Variants in CNTN4 observed in about 807,000 individuals in gnomAD.
CNTN4 encodes the protein contactin-4.
In CNTN4, 77 loss-of-function variants were observed where a neutral mutation model predicts 122.5. That is an observed-to-expected ratio of 0.63 (90% CI 0.52 to 0.76). The LOEUF is 0.76. CNTN4 is among the 30% of genes least tolerant of loss of function. The probability of loss-of-function intolerance (pLI) is 0.00; values close to 1 mark genes in which losing one functional copy is unlikely to be tolerated. For synonymous variants in CNTN4, 512 were observed against 447.0 expected, an observed-to-expected ratio of 1.15 and a Z score of -1.83; for missense variants, 1,256 against 1,259.1, an observed-to-expected ratio of 1.00 and a Z score of 0.04.
At chr3:2,681,420 A>G (rs1180466756) in intron 4 of CNTN4, among the ~76,000 whole-genome samples, 1 of 152,208 alleles carries the variant, frequency 6.6e-6, no homozygotes, top group East Asian at 1.9e-4. Context: ...AATACCTGCC[A>G]TAGCAACAGG....
chr3:2,795,828 G>A (rs1194352374), intron 6 of CNTN4, among the ~76,000 whole-genome samples: 1 of 152,080 alleles, frequency 6.6e-6, no homozygotes, highest in Non-Finnish European at 1.5e-5. Context: ...CCACAAATGG[G>A]TATCTTTTGA....
At chr3:2,515,438 A>G (rs1024254241) in intron 3 of CNTN4, among the ~76,000 whole-genome samples, 1 of 152,178 alleles carries the variant, frequency 6.6e-6, no homozygotes, top group Non-Finnish European at 1.5e-5. Context: ...AAGAGAAAAT[A>G]TGTTCATCGA....
At chr3:2,179,180 G>T (rs1396484593) in intron 2 of CNTN4, among the ~76,000 whole-genome samples, 4 of 152,066 alleles carry the variant, frequency 2.6e-5, no homozygotes, top group Admixed American at 6.6e-5. Context: ...ATTATGTTGA[G>T]AGTAATCATC....
intron 3 of CNTN4, among the ~76,000 whole-genome samples, chr3:2,426,826 C>A (rs1252544978): frequency 6.6e-6 from 1 of 152,112 alleles, no homozygotes; most frequent in Non-Finnish European, 1.5e-5. Flanking sequence ...GAAATTTATC[C>A]ATTTCTTCTA....
Position 2,443,443 on chromosome 3 carries a change from G to A in CNTN4, c.-89+104210G>A, listed in dbSNP as rs114368647. ...TGCCCATCCCTCCTTTTCTTTCAGTGCCTTTCTCTCCCTTTAACCACCAGG... is the reference window on the plus strand; with the variant it reads ...TGCCCATCCCTCCTTTTCTTTCAGTACCTTTCTCTCCCTTTAACCACCAGG... On this transcript the variant is annotated intron_variant, in intron 3 of 24. Coordinates refer to ENST00000418658, the MANE Select transcript of CNTN4 (RefSeq NM_175607.3). 3.5e-3 allele frequency among the ~76,000 whole-genome samples: 530 copies of A among 152,210 alleles called. 2 individuals carry two copies. The highest frequency in any genetic ancestry group is 0.01 in the Middle Eastern group (3 of 294).
chr3:2,404,445 C>T (rs990841703), intron 3 of CNTN4, among the ~76,000 whole-genome samples: 5 of 152,140 alleles, frequency 3.3e-5, no homozygotes, highest in East Asian at 1.9e-4. Flanking sequence ...TGCTCGCATA[C>T]CCTGGCTGCT....
chr3:2,237,579 T>C (rs11917759), intron 2 of CNTN4, among the ~76,000 whole-genome samples: 5 of 152,072 alleles, frequency 3.3e-5, no homozygotes, highest in Non-Finnish European at 7.4e-5. Flanking sequence ...GCTTATGCCA[T>C]TTAAAAGCTT....
At chr3:2,461,752 T>C (rs1381594411) in intron 3 of CNTN4, among the ~76,000 whole-genome samples, 1 of 152,256 alleles carries the variant, frequency 6.6e-6, no homozygotes, top group African/African-American at 2.4e-5. Context: ...TGCCAGCCAC[T>C]CTTCTAAGTG....
chr3:2,798,256 T>C lies in CNTN4; in HGVS notation c.359-21230T>C, dbSNP rs577385795. Among the ~76,000 whole-genome samples, 97 of 151,080 alleles carry C rather than the reference T, an allele frequency of 6.4e-4. 1 individual carries two copies. The highest frequency in any genetic ancestry group is 2.2e-3 in the African/African-American group (90 of 41,234). On this transcript the variant is annotated intron_variant, in intron 6 of 24. Transcript: ENST00000418658. The stretch of plus-strand genomic sequence containing the variant: ...ACAAAAGACAAGATTTTATTCTTTT[T>C]TATGGCTGAGTAGTATTCCATTGTG...
intron 12 of CNTN4, among the ~76,000 whole-genome samples, chr3:2,911,286 C>T (rs920272222): frequency 6.6e-5 from 10 of 152,098 alleles, no homozygotes; most frequent in African/African-American, 1.9e-4. Flanking sequence ...TTTAATGCTT[C>T]CTGCAGCACT....
intron 2 of CNTN4, among the ~76,000 whole-genome samples, chr3:2,165,154 C>T (rs1036056530): frequency 6.6e-6 from 1 of 152,034 alleles, no homozygotes; most frequent in African/African-American, 2.4e-5. Context: ...GAAACCCCAT[C>T]TCTACTAAAA....
intron 7 of CNTN4, among the ~76,000 whole-genome samples, chr3:2,843,354 T>C (rs926234549): frequency 2.0e-5 from 3 of 152,138 alleles, no homozygotes; most frequent in East Asian, 1.9e-4. Context: ...CCTTCAACCA[T>C]TGCAACCCCA....
chr3:2,102,594 T>C (rs1399776627), intron 2 of CNTN4, among the ~76,000 whole-genome samples: 2 of 152,200 alleles, frequency 1.3e-5, no homozygotes, highest in African/African-American at 2.4e-5. Flanking sequence ...CCAGCCTTCA[T>C]CTGTTCTGTG....
intron 2 of CNTN4, among the ~76,000 whole-genome samples, chr3:2,152,086 G>A (rs530945870): frequency 1.1e-4 from 17 of 152,288 alleles, no homozygotes; most frequent in Admixed American, 2.0e-4. Context: ...AAAACACTGA[G>A]GTCAAGGTAG....
In CNTN4 at chr3:2,612,769, G is replaced by A. The variant is rs182375934; in HGVS notation, c.55+41211G>A. 9.9e-5 allele frequency among the ~76,000 whole-genome samples: 15 copies of A among 152,206 alleles called. No homozygotes were observed. In the East Asian group the frequency reaches 2.7e-3, roughly 27 times the overall value. On this transcript the variant is annotated intron_variant, in intron 4 of 24. Coordinates refer to ENST00000418658, the MANE Select transcript of CNTN4 (RefSeq NM_175607.3). ...ATTACAGAATAAAATAGAGTAATAT[G>A]CCAACATATAGACATTTAATTTTGT...
intron 3 of CNTN4, among the ~76,000 whole-genome samples, chr3:2,372,615 T>C (rs550519982): frequency 1.8e-4 from 27 of 152,228 alleles, no homozygotes; most frequent in Non-Finnish European, 2.8e-4. Flanking sequence ...CTTTTGGGGC[T>C]GGCTAGCTGG....
At chr3:2,639,508 G>C (rs1244032297) in intron 4 of CNTN4, among the ~76,000 whole-genome samples, 1 of 152,030 alleles carries the variant, frequency 6.6e-6, no homozygotes, top group Admixed American at 6.6e-5. Context: ...CCCTTACCCT[G>C]TTCCACTTTT....
At chr3:2,832,263 G>A (rs1446128401) in intron 7 of CNTN4, among the ~76,000 whole-genome samples, 2 of 152,188 alleles carry the variant, frequency 1.3e-5, no homozygotes, top group African/African-American at 4.8e-5. Flanking sequence ...AGGAGATTTT[G>A]GCAGAACCTT....
chr3:2,170,354 AATATT>A (rs2036447032), intron 2 of CNTN4, among the ~76,000 whole-genome samples: 1 of 152,138 alleles, frequency 6.6e-6, no homozygotes, highest in African/African-American at 2.4e-5. Context: ...AAAGAGGAAT[AATATT>A]ATATTCACAG....
Sources: gnomAD v4.1 joint callset for allele counts (sites outside exome capture counted in the v4.1 genomes callset) on GRCh38, gnomAD v4.1.1 for gene constraint, MANE v1.5 for transcripts, NCBI Gene and HGNC (gene_info 2026-07-23, HGNC 2026-07-21) for gene names.